The following CFTR variants were observed in gnomAD, a reference collection of about 807,000 sequenced individuals.
The protein encoded by CFTR is cystic fibrosis transmembrane conductance regulator.
A neutral mutation model predicts 171.6 loss-of-function variants in CFTR; 181 were observed. The observed-to-expected ratio is 1.05, with a 90% CI of 0.93 to 1.19. The LOEUF is 1.19. Among genes scored for constraint, CFTR ranks in the 50% most tolerant of loss-of-function variants. The pLI, the probability that CFTR is intolerant of heterozygous loss-of-function variation, is 0.00. For synonymous variants in CFTR, 583 were observed against 608.0 expected (o/e 0.96, Z 0.60); for missense variants, 1,968 against 1,734.7 (o/e 1.13, Z -2.39).
intron 18 of CFTR, among the ~76,000 whole-genome samples, chr7:117,609,886 T>C (rs1412986099): frequency 6.6e-6 from 1 of 152,122 alleles, no homozygotes; most frequent in East Asian, 1.9e-4. Flanking sequence ...ACTTCAAAAA[T>C]GTTATCAGTG....
At chr7:117,632,557 C>CAA (rs56829741) in intron 22 of CFTR, among the ~76,000 whole-genome samples, 6 of 91,400 alleles carry the variant, frequency 6.6e-5, no homozygotes, top group African/African-American at 2.4e-4. Flanking sequence ...GACACTGTCT[C>CAA]AAAAAAAAAA....
rs543570082 is a variant in CFTR, at chr7:117,640,115, A to C, written c.3718-2323A>C. On this transcript the variant is annotated intron_variant, in intron 22 of 26. Transcript: ENST00000003084. ...AGGTGCATTGAAGTTATTAGAAAACACTGACTTAGATTTAGGGTATGTCTT... is the reference window on the plus strand; with the variant it reads ...AGGTGCATTGAAGTTATTAGAAAACCCTGACTTAGATTTAGGGTATGTCTT... Among the ~76,000 whole-genome samples, 3 of 152,312 alleles carry C rather than the reference A, an allele frequency of 2.0e-5. No homozygotes were observed. The South Asian group carries it at 6.2e-4, about 32-fold the overall frequency.
chr7:117,488,928 C>A (rs1490915079), intron 1 of CFTR, among the ~76,000 whole-genome samples: 1 of 151,984 alleles, frequency 6.6e-6, no homozygotes, highest in Non-Finnish European at 1.5e-5. Context: ...CTTAGCAATA[C>A]ATAAAGGTAT....
At chr7:117,616,280 G>A (rs1158998355) in intron 21 of CFTR, 1 of 151,406 alleles carries the variant, frequency 6.6e-6, no homozygotes, top group African/African-American at 2.4e-5. Context: ...CTGTAGTTCG[G>A]TCTTTAATTC....
intron 22 of CFTR, among the ~76,000 whole-genome samples, chr7:117,629,586 A>G (rs1296992519): frequency 6.6e-6 from 1 of 152,160 alleles, no homozygotes; most frequent in Non-Finnish European, 1.5e-5. Context: ...AAACTTTAAG[A>G]TTGAAGTTTG....
chr7:117,623,363 G>C (rs113839), intron 21 of CFTR, among the ~76,000 whole-genome samples: 151,479 of 152,352 alleles, frequency 0.99, 75,308 homozygotes, highest in East Asian at 1. Flanking sequence ...TTGGACAACT[G>C]TTTTCTGTGC....
intron 10 of CFTR, among the ~76,000 whole-genome samples, chr7:117,550,635 T>A (rs1287417270): frequency 6.6e-6 from 1 of 152,240 alleles, no homozygotes; most frequent in Non-Finnish European, 1.5e-5. Context: ...ATAGAATTTT[T>A]AAAATTAATT....
chr7:117,611,649 C>A lies in CFTR; in HGVS notation c.3208C>A (p.Arg1070=). Residue 1070 remains arginine, a synonymous_variant, in exon 20 of 27, where the codon CGG becomes AGG. Coordinates refer to ENST00000003084, the MANE Select transcript of CFTR (RefSeq NM_000492.4). ...ACTATGGACACTTCGTGCCTTCGGACGGCAGCCTTACTTTGAAACTCTGTT... is the reference window on the plus strand; with the variant it reads ...ACTATGGACACTTCGTGCCTTCGGAAGGCAGCCTTACTTTGAAACTCTGTT... ...KGLWTLRAFG[R]QPYFETLFHK... The A allele has an allele frequency of 6.2e-7, 1 of 1,613,484 alleles. No homozygotes were observed. The highest frequency in any genetic ancestry group is 8.5e-7 in the Non-Finnish European group (1 of 1,179,694).
chr7:117,597,707 A>G (rs1002104819), intron 15 of CFTR, among the ~76,000 whole-genome samples: 2 of 152,052 alleles, frequency 1.3e-5, no homozygotes, highest in African/African-American at 4.8e-5. Context: ...TTAGACAACC[A>G]TTTTAGAGAT....
At chr7:117,518,588 A>ATATATATG (rs1485856686) in intron 3 of CFTR, among the ~76,000 whole-genome samples, 4 of 147,324 alleles carry the variant, frequency 2.7e-5, no homozygotes, top group African/African-American at 1.0e-4. Context: ...ATATATATAT[A>ATATATATG]TGTGTGTTTT....
rs376039579 is a variant in CFTR at position 117,548,700 on chromosome 7, T to C, written c.1269T>C (p.Asn423=). The C allele has an allele frequency of 3.7e-6, 6 of 1,613,464 alleles. No individual in the cohort carries two copies. The highest frequency in any genetic ancestry group is 5.1e-6 in the Non-Finnish European group (6 of 1,179,622). ...ACAATAACAATAGAAAAACTTCTAA[T>C]GGTGATGACAGCCTCTTCTTCAGTA... ...KQNNNNRKTS[N]GDDSLFFSNF... is the part of the protein sequence containing the mutation. Residue 423 remains asparagine, a synonymous_variant, in exon 10 of 27, where the codon AAT becomes AAC. Coordinates refer to ENST00000003084, the MANE Select transcript of CFTR (RefSeq NM_000492.4).
At chr7:117,536,741 C>A in intron 7 of CFTR, 68 bp downstream of exon 7, 1 of 1,301,242 alleles carries the variant, frequency 7.7e-7, no homozygotes, top group Non-Finnish European at 1.1e-6. Flanking sequence ...ATATGTTTAT[C>A]ATGGTAGACT....
chr7:117,646,342 T>C (rs1313739452), intron 23 of CFTR, among the ~76,000 whole-genome samples: 1 of 152,112 alleles, frequency 6.6e-6, no homozygotes, highest in Non-Finnish European at 1.5e-5. Context: ...CAAAAGAATA[T>C]AGTTTCACAA....
chr7:117,626,803 C>T (rs966992654), intron 21 of CFTR, among the ~76,000 whole-genome samples: 1 of 151,556 alleles, frequency 6.6e-6, no homozygotes, highest in Admixed American at 6.6e-5. Context: ...AAATTGAACA[C>T]CTTTAAAAAT....
At chr7:117,546,743 A>G (rs1279013954) in intron 9 of CFTR, among the ~76,000 whole-genome samples, 3 of 152,226 alleles carry the variant, frequency 2.0e-5, no homozygotes, top group Admixed American at 1.3e-4. Flanking sequence ...TCACCTTGCC[A>G]TATACATCTG....
intron 22 of CFTR, among the ~76,000 whole-genome samples, chr7:117,630,642 A>T (rs1283120124): frequency 6.6e-6 from 1 of 152,194 alleles, no homozygotes; most frequent in Non-Finnish European, 1.5e-5. Flanking sequence ...TCTCCCCTGC[A>T]TAAGGTGCAA....
chr7:117,485,694 C>T (rs1798064201), intron 1 of CFTR, among the ~76,000 whole-genome samples: 1 of 152,032 alleles, frequency 6.6e-6, no homozygotes, highest in Admixed American at 6.5e-5. Context: ...TCTGAAAAAT[C>T]TTTTTTCAGA....
At chr7:117,615,097 T>C (rs941104881) in intron 21 of CFTR, among the ~76,000 whole-genome samples, 1 of 152,156 alleles carries the variant, frequency 6.6e-6, no homozygotes, top group African/African-American at 2.4e-5. Flanking sequence ...CTCATAGCTA[T>C]GTATCTTCAA....
At chr7:117,565,036 A>G (rs1219665655) in intron 11 of CFTR, among the ~76,000 whole-genome samples, 2 of 152,196 alleles carry the variant, frequency 1.3e-5, no homozygotes, top group African/African-American at 4.8e-5. Context: ...CCTATTTTAC[A>G]TATCCTACTT....
Sources: gnomAD v4.1 joint callset for allele counts (sites outside exome capture counted in the v4.1 genomes callset) on GRCh38, gnomAD v4.1.1 for gene constraint, MANE v1.5 for transcripts, NCBI Gene and HGNC (gene_info 2026-07-23, HGNC 2026-07-21) for gene names.